Variants in SERPINE2 observed in about 807,000 individuals in gnomAD.
SERPINE2 encodes the protein glia-derived nexin.
In SERPINE2, 14 loss-of-function variants were observed where a neutral mutation model predicts 36.3. The observed-to-expected ratio is 0.39, with a 90% CI of 0.25 to 0.60. The LOEUF (loss-of-function observed/expected upper bound fraction) is 0.60. Among genes scored for constraint, SERPINE2 ranks in the 20% least tolerant of loss-of-function variants. The probability of loss-of-function intolerance (pLI) is 0.57; values close to 1 mark genes in which losing one functional copy is unlikely to be tolerated. For missense variants in SERPINE2, 418 were observed against 499.6 expected, an observed-to-expected ratio of 0.84 and a Z score of 1.56; for synonymous variants, 192 against 191.8, an observed-to-expected ratio of 1.00 and a Z score of -0.01.
intron 4 of SERPINE2, among the ~76,000 whole-genome samples, chr2:223,988,287 G>C (rs1054162137): frequency 7.9e-5 from 12 of 152,156 alleles, no homozygotes; most frequent in African/African-American, 2.7e-4. Context: ...CCCGACCTCA[G>C]ACTCCCAAAC....
intron 3 of SERPINE2, among the ~76,000 whole-genome samples, chr2:223,993,919 T>G (rs552843785): frequency 5.9e-5 from 9 of 152,342 alleles, no homozygotes; most frequent in Non-Finnish European, 1.0e-4. Flanking sequence ...GACTGTCCTG[T>G]GGGAGCGAAG....
chr2:224,001,064 C>T (rs963946743), intron 2 of SERPINE2, among the ~76,000 whole-genome samples: 3 of 152,130 alleles, frequency 2.0e-5, no homozygotes, highest in African/African-American at 4.8e-5. Flanking sequence ...CCAGTGGTAC[C>T]GTCGTTGCAT....
Position 224,025,170 on chromosome 2 carries a change from C to T in SERPINE2, c.-23+13929G>A, listed in dbSNP as rs1408093304. Among the ~76,000 whole-genome samples, 4 of 152,240 alleles carry T rather than the reference C, an allele frequency of 2.6e-5. No individual in the cohort carries two copies. The East Asian group carries it at 7.7e-4, about 29-fold the overall frequency. ...AGAGAGCACACGGGGGTACCCACCA[C>T]AAGACTGGCACGGCCAAGGGCTTCT... On this transcript the variant is annotated intron_variant, in intron 1 of 8. Coordinates refer to ENST00000409304, the MANE Select transcript of SERPINE2 (RefSeq NM_001136528.2).
chr2:223,982,150 T>C (rs2106135490), intron 6 of SERPINE2: 1 of 152,528 alleles, frequency 6.6e-6, no homozygotes, highest in Non-Finnish European at 1.5e-5. Flanking sequence ...ATAAAAAGAA[T>C]GAAATAATAT....
At chr2:223,989,425 A>G (rs1218886391) in intron 4 of SERPINE2, among the ~76,000 whole-genome samples, 2 of 152,232 alleles carry the variant, frequency 1.3e-5, no homozygotes, top group Non-Finnish European at 2.9e-5. Flanking sequence ...GTTTGGACAC[A>G]GCAGCTCGAG....
chr2:224,023,800 C>T (rs1012984238), intron 1 of SERPINE2, among the ~76,000 whole-genome samples: 5 of 152,334 alleles, frequency 3.3e-5, no homozygotes, highest in African/African-American at 1.2e-4. Flanking sequence ...TCCTGTGACA[C>T]TGGGTAGACA....
At chr2:224,008,714 G>A (rs184152676) in intron 1 of SERPINE2, among the ~76,000 whole-genome samples, 1 of 152,314 alleles carries the variant, frequency 6.6e-6, no homozygotes, top group Admixed American at 6.5e-5. Context: ...TCCTTTTAGT[G>A]AGAAACAGTA....
rs1041460631 is a variant in SERPINE2 at position 224,038,420 on chromosome 2, C to T, written c.-23+679G>A. 7.5e-6 allele frequency: 10 copies of T among 1,326,302 alleles called. No individual in the cohort carries two copies. The African/African-American group carries it at 1.3e-4, about 17-fold the overall frequency. 82.2% of individuals were successfully genotyped at this position (1,326,302 alleles called of 1,614,324 possible). A position where few individuals can be genotyped will look rare whatever the true frequency, so the allele number is the denominator to read the frequency against. ...TTATGTAATAGAAGCCTTCCTTCCCCGCTCAGTTTGTGGACACATTAAATG... is the reference window on the plus strand; with the variant it reads ...TTATGTAATAGAAGCCTTCCTTCCCTGCTCAGTTTGTGGACACATTAAATG... On this transcript the variant is annotated intron_variant, in intron 1 of 8. Coordinates refer to ENST00000409304, the MANE Select transcript of SERPINE2 (RefSeq NM_001136528.2).
chr2:224,031,477 T>C (rs1692365506), intron 1 of SERPINE2: 13 of 985,400 alleles, frequency 1.3e-5, no homozygotes, highest in Non-Finnish European at 1.6e-5. Context: ...TAACCAAGGA[T>C]TGACCATGTG....
chr2:224,000,206 T>G (rs1468419391), intron 2 of SERPINE2, among the ~76,000 whole-genome samples: 1 of 152,110 alleles, frequency 6.6e-6, no homozygotes, highest in East Asian at 1.9e-4. Context: ...GCAGGAAGAC[T>G]CCCTTGTTTC....
In SERPINE2 at chr2:223,984,735, G is replaced by A. The variant is rs1450279144; in HGVS notation, c.884+17C>T. The A allele has an allele frequency of 1.2e-6, 2 of 1,609,464 alleles. No homozygotes were observed. The highest frequency in any genetic ancestry group is 1.7e-5 in the Admixed American group (1 of 59,608). On this transcript the variant is annotated intron_variant, in intron 5 of 8. Transcript: ENST00000409304. Reference sequence around the variant, plus strand: ...GAATAATGCCACTGTTTTCTTTGAGGGGAAGGGGCCACTTACTTGGGCAGG... The same window carrying A: ...GAATAATGCCACTGTTTTCTTTGAGAGGAAGGGGCCACTTACTTGGGCAGG...
chr2:224,020,941 T>A (rs1469919686), intron 1 of SERPINE2, among the ~76,000 whole-genome samples: 1 of 152,246 alleles, frequency 6.6e-6, no homozygotes, highest in Admixed American at 6.5e-5. Flanking sequence ...AGGTTTTTAA[T>A]GCTCCAAGTG....
intron 4 of SERPINE2, among the ~76,000 whole-genome samples, chr2:223,989,195 T>TA (rs1438236455): frequency 1.3e-5 from 2 of 152,252 alleles, no homozygotes; most frequent in African/African-American, 2.4e-5. Flanking sequence ...GAAGTACTTC[T>TA]ACTTTATGGG....
intron 1 of SERPINE2, among the ~76,000 whole-genome samples, chr2:224,015,637 G>A (rs1378162713): frequency 6.6e-6 from 1 of 152,176 alleles, no homozygotes; most frequent in Admixed American, 6.5e-5. Context: ...GACAGAAACT[G>A]GAAGAATCAT....
chr2:223,991,279 G>C (rs191835311), intron 4 of SERPINE2, among the ~76,000 whole-genome samples: 2 of 152,078 alleles, frequency 1.3e-5, no homozygotes, highest in African/African-American at 4.8e-5. Context: ...TCCCTGGAGC[G>C]GGACTGCTGG....
chr2:224,012,887 T>G (rs919832533), intron 1 of SERPINE2, among the ~76,000 whole-genome samples: 4 of 152,094 alleles, frequency 2.6e-5, no homozygotes, highest in Non-Finnish European at 5.9e-5. Flanking sequence ...AAAACTTTAA[T>G]AAAAATGGTA....
At chr2:224,001,423 CA>C (rs1691155176) in intron 2 of SERPINE2, 1 of 516,362 alleles carries the variant, frequency 1.9e-6, no homozygotes, top group East Asian at 3.1e-5. Flanking sequence ...CCCCAAGCTC[CA>C]AAAGTACAAA....
At chr2:224,030,041 T>C (rs910876983) in intron 1 of SERPINE2, 3 of 985,304 alleles carry the variant, frequency 3.0e-6, no homozygotes, top group Non-Finnish European at 3.6e-6. Flanking sequence ...ACTAACCTAA[T>C]GGAAAAAAGC....
At chr2:224,022,944 A>T (rs1692058474) in intron 1 of SERPINE2, among the ~76,000 whole-genome samples, 1 of 151,978 alleles carries the variant, frequency 6.6e-6, no homozygotes, top group African/African-American at 2.4e-5. Context: ...CCTTGCTTGC[A>T]CTCACTCTGT....
Sources: gnomAD v4.1 joint callset for allele counts (sites outside exome capture counted in the v4.1 genomes callset) on GRCh38, gnomAD v4.1.1 for gene constraint, MANE v1.5 for transcripts, NCBI Gene and HGNC (gene_info 2026-07-23, HGNC 2026-07-21) for gene names.